MBOAT2: variants seen among roughly 807,000 people sequenced by gnomAD.
The protein encoded by MBOAT2 is membrane-bound glycerophospholipid O-acyltransferase 2.
In MBOAT2, 28 loss-of-function variants were observed where a neutral mutation model predicts 63.4. The ratio of observed to expected loss-of-function variants is 0.44; its 90% CI spans 0.33 to 0.61. MBOAT2 has a LOEUF of 0.61. MBOAT2 is among the 20% of genes least tolerant of loss of function. The pLI is 0.03. For missense variants in MBOAT2, 470 were observed against 605.8 expected, an observed-to-expected ratio of 0.78 and a Z score of 2.35; for synonymous variants, 211 against 215.6, an observed-to-expected ratio of 0.98 and a Z score of 0.19.
chr2:8,862,757 A>T lies in MBOAT2; in HGVS notation c.1053-35T>A, dbSNP rs564167707. Reference sequence around the variant, plus strand: ...ATGAAAAACATGGAGAGCCAAGTGGAGTGAGTGACCCGAGTTTACAAAGCC... The same window carrying T: ...ATGAAAAACATGGAGAGCCAAGTGGTGTGAGTGACCCGAGTTTACAAAGCC... On this transcript the variant is annotated intron_variant, in intron 10 of 12. Transcript: ENST00000305997. The surrounding 1 kb of genome is among the most constrained non-coding windows in gnomAD (Gnocchi z 4.3). 7.5e-6 allele frequency: 12 copies of T among 1,592,742 alleles called. No homozygotes were observed. In the South Asian group the frequency reaches 1.4e-4, roughly 18 times the overall value.
chr2:8,968,565 A>G (rs1278931281), intron 1 of MBOAT2, among the ~76,000 whole-genome samples: 1 of 151,776 alleles, frequency 6.6e-6, no homozygotes. Flanking sequence ...AAGGCTTCAG[A>G]CGATCAAACT....
At chr2:8,868,244 GC>G (rs1051259340) in intron 9 of MBOAT2, among the ~76,000 whole-genome samples, 4 of 152,144 alleles carry the variant, frequency 2.6e-5, no homozygotes, top group African/African-American at 9.7e-5. Context: ...CTCCATGAGG[GC>G]CTGAATTGCA....
At chr2:8,946,477 C>T (rs139872285) in intron 2 of MBOAT2, among the ~76,000 whole-genome samples, 44 of 152,294 alleles carry the variant, frequency 2.9e-4, no homozygotes, top group Admixed American at 1.2e-3. Flanking sequence ...ACAGGCATGA[C>T]TTGTTTTACT....
intron 3 of MBOAT2, among the ~76,000 whole-genome samples, chr2:8,919,204 C>T (rs375527623): frequency 3.4e-4 from 52 of 152,294 alleles, no homozygotes; most frequent in African/African-American, 1.3e-3. Context: ...ATGAATAGTG[C>T]TACTCTATGT....
chr2:8,877,047 T>C lies in MBOAT2; in HGVS notation c.673A>G (p.Thr225Ala), dbSNP rs1158930325. ...GACCTTACATTTGGAGATGGCTCTG[T>C]TCTTTCATACTGTGTCTCTTCTTTT... Reference protein sequence around the residue: ...NGKEETQYERTEPSPNTAVVQ... With the variant: ...NGKEETQYERAEPSPNTAVVQ... Residue 225 changes from threonine (T) to alanine (A), a missense_variant, in exon 7 of 13, where the codon ACA becomes GCA. This residue lies in a region of MBOAT2 where 376 missense variants were observed against 503.8 expected (regional missense o/e 0.75). Coordinates refer to ENST00000305997, the MANE Select transcript of MBOAT2 (RefSeq NM_138799.4). The C allele has an allele frequency of 6.2e-7, 1 of 1,611,370 alleles. No individual in the cohort carries two copies. The highest frequency in any genetic ancestry group is 1.1e-5 in the South Asian group (1 of 90,228).
chr2:8,983,661 T>C (rs939385140), intron 1 of MBOAT2, among the ~76,000 whole-genome samples: 3 of 152,168 alleles, frequency 2.0e-5, no homozygotes. Flanking sequence ...TGGTAAAACT[T>C]TAAGTCTGAA....
chr2:8,995,795 G>A (rs767338437), intron 1 of MBOAT2, among the ~76,000 whole-genome samples: 2 of 152,062 alleles, frequency 1.3e-5, no homozygotes, highest in African/African-American at 2.4e-5. Flanking sequence ...GTTTCACCGT[G>A]TTAGCCAGAA....
Position 8,943,438 on chromosome 2 carries a change from C to T in MBOAT2, c.222-174G>A, listed in dbSNP as rs191109020. On this transcript the variant is annotated intron_variant, in intron 2 of 12. Coordinates refer to ENST00000305997, the MANE Select transcript of MBOAT2 (RefSeq NM_138799.4). ...GACACCCTAAAGAGAGAGTCCCATA[C>T]CACAGGCTCCAGAAGAGCTGGGGGG... Among the ~76,000 whole-genome samples, 244 of 152,262 alleles carry T rather than the reference C, an allele frequency of 1.6e-3. 1 individual carries two copies. The Middle Eastern group carries it at 0.031, about 19-fold the overall frequency.
In MBOAT2 at chr2:8,854,836, G is replaced by A. The variant is rs1436275618; in HGVS notation, c.*3843C>T. On this transcript the variant is annotated 3_prime_UTR_variant, in exon 13 of 13. Transcript: ENST00000305997. ...TATTGTTTTCTGCGGTTTAAAATAA[G>A]GTGTAACTAAACTAAATATGCTTTA... 2.0e-5 allele frequency: 3 copies of A among 152,084 alleles called. No individual in the cohort carries two copies. The highest frequency in any genetic ancestry group is 4.4e-5 in the Non-Finnish European group (3 of 68,016). The allele number at this position is 152,084 out of a possible 1,614,324, so 9.4% of individuals were successfully genotyped here.
At chr2:8,912,325 AAGAAAG>A (rs1480882488) in intron 3 of MBOAT2, among the ~76,000 whole-genome samples, 3 of 105,838 alleles carry the variant, frequency 2.8e-5, no homozygotes, top group Admixed American at 1.0e-4. Context: ...GAAAGAAAGA[AAGAAAG>A]AAAGAAAGAA....
At chr2:8,923,300 C>T (rs1363596839) in intron 3 of MBOAT2, among the ~76,000 whole-genome samples, 2 of 152,190 alleles carry the variant, frequency 1.3e-5, no homozygotes, top group Admixed American at 1.3e-4. Context: ...TCAACTACTC[C>T]TACAGAAAAC....
chr2:8,908,456 A>C lies in MBOAT2; in HGVS notation c.395+165T>G, dbSNP rs867331314. On this transcript the variant is annotated intron_variant, in intron 4 of 12. Coordinates refer to ENST00000305997, the MANE Select transcript of MBOAT2 (RefSeq NM_138799.4). ...CTCTTACTGACTTAGATAGTACTAA[A>C]AAGACTACTTACAAGAGAGAAATTC... The C allele has an allele frequency of 5.4e-6, 3 of 559,476 alleles. No homozygotes were observed. The African/African-American group carries it at 5.8e-5, about 11-fold the overall frequency. 34.7% of individuals were successfully genotyped at this position (559,476 alleles called of 1,614,324 possible).
chr2:8,900,113 A>T (rs1664803316), intron 4 of MBOAT2, among the ~76,000 whole-genome samples: 1 of 152,120 alleles, frequency 6.6e-6, no homozygotes, highest in Non-Finnish European at 1.5e-5. Context: ...TGAGTAATTC[A>T]TGGCTTTTTT....
chr2:8,907,218 G>T (rs2148586072), intron 4 of MBOAT2, among the ~76,000 whole-genome samples: 1 of 152,222 alleles, frequency 6.6e-6, no homozygotes, highest in South Asian at 2.1e-4. Context: ...TTGCCCACAT[G>T]GCTCCAGTTT....
chr2:8,874,395 G>T (rs1483294934), intron 7 of MBOAT2, among the ~76,000 whole-genome samples: 12 of 152,098 alleles, frequency 7.9e-5, no homozygotes, highest in African/African-American at 2.9e-4. Flanking sequence ...TTTGAATTAT[G>T]AGATTTTAAA....
chr2:8,895,684 C>T lies in MBOAT2; in HGVS notation c.396-7611G>A, dbSNP rs144518188. On this transcript the variant is annotated intron_variant, in intron 4 of 12. Transcript: ENST00000305997. Reference sequence around the variant, plus strand: ...TGCTATTGAGAATTTGGCCGATGACCGCTCTAGCTACTTCCTGCTGGATAG... The same window carrying T: ...TGCTATTGAGAATTTGGCCGATGACTGCTCTAGCTACTTCCTGCTGGATAG... 3.8e-3 allele frequency among the ~76,000 whole-genome samples: 564 copies of T among 149,222 alleles called. 6 individuals carry two copies. The highest frequency in any genetic ancestry group is 0.035 in the East Asian group (178 of 5,090).
chr2:8,932,130 G>C (rs1312934100), intron 3 of MBOAT2, among the ~76,000 whole-genome samples: 1 of 151,982 alleles, frequency 6.6e-6, no homozygotes, highest in Non-Finnish European at 1.5e-5. Context: ...TAATAAGCTA[G>C]CAACAAGTAG....
chr2:8,958,563 C>G lies in MBOAT2; in HGVS notation c.155G>C (p.Ser52Thr). The stretch of plus-strand genomic sequence containing the variant: ...AGCAACTACATGTCTTATAAAAGAG[C>G]TAGTTTTGCTTGAATGTAGATAAGT... ...FRTYLHSSKT[S>T]SFIRHVVATL... Residue 52 changes from serine to threonine, a missense_variant, in exon 2 of 13, where the codon AGC becomes ACC. By Grantham distance (58) the Ser-to-Thr change is moderately conservative (BLOSUM62 1). Around this residue, in one of 3 missense-constraint regions of MBOAT2, gnomAD observed 376 missense variants for 503.8 expected, o/e 0.75. Transcript: ENST00000305997. The G allele has an allele frequency of 1.2e-6, 2 of 1,612,422 alleles. No individual in the cohort carries two copies. Among genetic ancestry groups the G allele is most frequent in the South Asian group, 1.1e-5 (1 of 90,530 alleles).
intron 9 of MBOAT2, among the ~76,000 whole-genome samples, chr2:8,865,228 G>GT (rs1661786933): frequency 6.6e-6 from 1 of 151,984 alleles, no homozygotes; most frequent in African/African-American, 2.4e-5. Context: ...TCAAGAAGAG[G>GT]TAAGTGTCAG....
Sources: allele counts gnomAD v4.1 joint callset (sites outside exome capture counted in the v4.1 genomes callset), GRCh38; gene constraint gnomAD v4.1.1; regional missense constraint gnomAD v4.1.1; non-coding constraint Gnocchi (gnomAD v3.1); transcripts MANE v1.5; gene names NCBI Gene and HGNC (gene_info 2026-07-23, HGNC 2026-07-21).